Variants in CGN observed in about 807,000 individuals in gnomAD.
CGN encodes the protein cingulin.
A neutral mutation model predicts 157.1 loss-of-function variants in CGN; 121 were observed. That is an observed-to-expected ratio of 0.77 (90% confidence interval 0.66 to 0.90). CGN has a LOEUF of 0.90. CGN is among the 40% of genes least tolerant of loss of function. The pLI, the probability that CGN is intolerant of heterozygous loss-of-function variation, is 0.00. For missense variants in CGN, 1,424 were observed against 1,520.9 expected, an observed-to-expected ratio of 0.94 and a Z score of 1.06; for synonymous variants, 535 against 607.5, an observed-to-expected ratio of 0.88 and a Z score of 1.76.
At position 151,534,155 on chromosome 1, in the gene CGN, G is replaced by C; in HGVS notation, c.2904+19G>C. 1.3e-6 allele frequency: 2 copies of C among 1,556,586 alleles called. No individual in the cohort carries two copies. The highest frequency in any genetic ancestry group is 1.7e-6 in the Non-Finnish European group (2 of 1,151,096). ...TCTCGAGGTGAGGGCACTGAGGTGT[G>C]ACCTGTGGAAAAAGGGTGGGACTTC... On this transcript the variant is annotated intron_variant, in intron 15 of 20. Coordinates refer to ENST00000271636, the MANE Select transcript of CGN (RefSeq NM_020770.3).
In CGN at chr1:151,523,460, A is replaced by G; in HGVS notation, c.1167A>G (p.Gln389=). The change falls in exon 6 of 21, where the codon CAA becomes CAG. Residue 389 remains glutamine, a synonymous_variant. Transcript: ENST00000271636. The part of the protein sequence containing the change: ...VKKRQKLEPS[Q]VGLERQLEEK... Reference sequence around the variant, plus strand: ...AGCGGCAGAAGCTAGAGCCATCCCAAGTTGGGCTGGAGCGGCAGCTGGAGG... The same window carrying G: ...AGCGGCAGAAGCTAGAGCCATCCCAGGTTGGGCTGGAGCGGCAGCTGGAGG... 6.2e-7 allele frequency: 1 copy of G among 1,613,536 alleles called. No homozygotes were observed. Among genetic ancestry groups the G allele is most frequent in the Non-Finnish European group, 8.5e-7 (1 of 1,179,788 alleles).
At position 151,533,978 on chromosome 1, in the gene CGN, C is replaced by T. The variant is rs778866252; in HGVS notation, c.2746C>T (p.Gln916Ter). The change falls in exon 15 of 21, where the codon CAG becomes TAG. Residue 916 changes from glutamine (Q) to a stop codon, truncating the protein, a stop_gained. Coordinates refer to ENST00000271636, the MANE Select transcript of CGN (RefSeq NM_020770.3). LOFTEE classifies it high-confidence loss of function. Reference sequence around the variant, plus strand: ...GGCATTTTTACCCCCTGCCCAGATCCAGAGGCTGCGGCAGGCCCTGCAGGC... The same window carrying T: ...GGCATTTTTACCCCCTGCCCAGATCTAGAGGCTGCGGCAGGCCCTGCAGGC... Reference protein sequence around the residue: ...GGLSRLQDEIQRLRQALQASQ... With the variant: ...GGLSRLQDEI The T allele has an allele frequency of 2.5e-6, 4 of 1,607,420 alleles. No homozygotes were observed. Among genetic ancestry groups the T allele is most frequent in the South Asian group, 1.1e-5 (1 of 90,256 alleles).
At chr1:151,522,683 G>A (rs996278211) in intron 5 of CGN, among the ~76,000 whole-genome samples, 1 of 151,574 alleles carries the variant, frequency 6.6e-6, no homozygotes, top group South Asian at 2.1e-4. Context: ...GGAGGCTGAG[G>A]TGGACAGATT....
In CGN at chr1:151,532,383, C is replaced by G. The variant is rs931290935; in HGVS notation, c.2572-19C>G. 1.3e-6 allele frequency: 2 copies of G among 1,539,620 alleles called. No individual in the cohort carries two copies. The highest frequency in any genetic ancestry group is 1.4e-5 in the African/African-American group (1 of 71,952). ...GTCATTTATGTACAGTGCTGAAGAC[C>G]CTTTTCTCTGTGTTTCAGTTGGAGA... On this transcript the variant is annotated intron_variant, in intron 13 of 20. Coordinates refer to ENST00000271636, the MANE Select transcript of CGN (RefSeq NM_020770.3).
chr1:151,536,099 C>A, intron 18 of CGN, 138 bp from the exon 19 acceptor site: 1 of 731,834 alleles, frequency 1.4e-6, no homozygotes, highest in South Asian at 1.6e-5. Flanking sequence ...CTCCCTCATT[C>A]TTTGAATCTG....
intron 5 of CGN, among the ~76,000 whole-genome samples, chr1:151,521,612 G>T (rs1002426367): frequency 3.3e-5 from 5 of 152,200 alleles, no homozygotes; most frequent in African/African-American, 1.2e-4. Context: ...GCTGAGGCAG[G>T]CAGATCACCT....
intron 1 of CGN, among the ~76,000 whole-genome samples, chr1:151,514,346 G>A (rs1453360697): frequency 3.9e-5 from 6 of 152,260 alleles, no homozygotes; most frequent in Admixed American, 3.9e-4. Context: ...GTACTGACAG[G>A]GTAGACTGCA....
chr1:151,512,189 TGA>T (rs149076389), intron 1 of CGN, among the ~76,000 whole-genome samples: 4 of 151,256 alleles, frequency 2.6e-5, no homozygotes, highest in Admixed American at 6.6e-5. Flanking sequence ...TTCTTCCTCT[TGA>T]GAGAGAGAGA....
In CGN at chr1:151,530,007, C is replaced by T; in HGVS notation, c.2205C>T (p.Phe735=). The T allele has an allele frequency of 6.2e-7, 1 of 1,614,162 alleles. No individual in the cohort carries two copies. The highest frequency in any genetic ancestry group is 8.5e-7 in the Non-Finnish European group (1 of 1,180,026). Residue 735 remains phenylalanine (F), a synonymous_variant, in exon 12 of 21, where the codon TTC becomes TTT. Coordinates refer to ENST00000271636, the MANE Select transcript of CGN (RefSeq NM_020770.3). ...AGACCCAGGAGGAAAATGACGAATTCCGCCGGCGCATCCTGGGTTTGGAGC... is the reference window on the plus strand; with the variant it reads ...AGACCCAGGAGGAAAATGACGAATTTCGCCGGCGCATCCTGGGTTTGGAGC... The part of the protein sequence containing the change: ...LRETQEENDE[F]RRRILGLEQQ...
rs770647601 is a variant in CGN, at chr1:151,535,138, G to A, written c.2994+7G>A. On this transcript the variant is annotated splice_region_variant and intron_variant, in intron 16 of 20. Transcript: ENST00000271636. Reference sequence around the variant, plus strand: ...GAATCGTGGCCGGGACCAGGTAACCGCCCCCACCCCTCATCTCTGTTTACC... The same window carrying A: ...GAATCGTGGCCGGGACCAGGTAACCACCCCCACCCCTCATCTCTGTTTACC... The A allele has an allele frequency of 8.1e-6, 13 of 1,605,070 alleles. No homozygotes were observed. In the East Asian group the frequency reaches 1.8e-4, roughly 22 times the overall value.
In CGN at chr1:151,518,593, A is replaced by G. The variant is rs1353602971; in HGVS notation, c.74A>G (p.Glu25Gly). ...GGAGTCCAGATTCGCTTCATCACAG[A>G]GCCAGTGAGTGGTGCAGAGATGGGC... ...DHGVQIRFIT[E>G]PVSGAEMGTL... Residue 25 changes from glutamate to glycine, a missense_variant, in exon 2 of 21, where the codon GAG becomes GGG. Around this residue, in one of 3 missense-constraint regions of CGN, gnomAD observed 1,187 missense variants for 1,217.6 expected, o/e 0.97. Coordinates refer to ENST00000271636, the MANE Select transcript of CGN (RefSeq NM_020770.3). 6.2e-7 allele frequency: 1 copy of G among 1,613,976 alleles called. No individual in the cohort carries two copies. Among genetic ancestry groups the G allele is most frequent in the Non-Finnish European group, 8.5e-7 (1 of 1,179,974 alleles).
At chr1:151,512,797 G>C (rs757222559) in intron 1 of CGN, among the ~76,000 whole-genome samples, 1 of 152,232 alleles carries the variant, frequency 6.6e-6, no homozygotes, top group African/African-American at 2.4e-5. Flanking sequence ...TCTGGGGGCT[G>C]GCTCTGGGGG....
At chr1:151,527,158 C>G in intron 10 of CGN, 51 bp downstream of exon 10, 1 of 1,606,900 alleles carries the variant, frequency 6.2e-7, no homozygotes, top group Non-Finnish European at 8.5e-7. Flanking sequence ...TGAACACCTG[C>G]CTTACCTCTC....
chr1:151,537,170 C>T lies in CGN; in HGVS notation c.3471-35C>T. ...GTGGCTGTCTTAATATTTCTATTTT[C>T]CCCTCCCCAACCATTATTCTTCTCT... is the stretch of plus-strand genomic sequence containing the variant. On this transcript the variant is annotated intron_variant, in intron 20 of 20. Transcript: ENST00000271636. 9 of 1,587,194 alleles carry T rather than the reference C, an allele frequency of 5.7e-6. No individual in the cohort carries two copies. In the South Asian group the frequency reaches 9.1e-5, roughly 16 times the overall value.
rs774429407 is a variant in CGN at position 151,524,205 on chromosome 1, A to G, written c.1269-21A>G. ...GAGAACTGCCTGACACATAGTGTGC[A>G]ATAATGTTATCTATTATTAGGCTCC... On this transcript the variant is annotated intron_variant, in intron 6 of 20. Transcript: ENST00000271636. The surrounding 1 kb of genome is among the most constrained non-coding windows in gnomAD (Gnocchi z 4.4). 5.6e-6 allele frequency: 9 copies of G among 1,599,396 alleles called. No individual in the cohort carries two copies. In the East Asian group the frequency reaches 1.8e-4, roughly 32 times the overall value.
At position 151,535,807 on chromosome 1, in the gene CGN, A is replaced by G; in HGVS notation, c.3106A>G (p.Ser1036Gly). 6.2e-7 allele frequency: 1 copy of G among 1,614,204 alleles called. No individual in the cohort carries two copies. Among genetic ancestry groups the G allele is most frequent in the South Asian group, 1.1e-5 (1 of 91,084 alleles). ...QNKDLKTRLASSEGFQKPSAS... is the reference protein window; with the variant it reads ...QNKDLKTRLAGSEGFQKPSAS... ...CAAGGACCTGAAGACCCGGTTGGCC[A>G]GCTCAGAAGGCTTCCAGAAGCCTAG... is the stretch of plus-strand genomic sequence containing the variant. Residue 1036 changes from serine to glycine, a missense_variant, in exon 18 of 21, where the codon AGC (serine) becomes GGC (glycine). Ser to Gly is a moderately conservative substitution (Grantham distance 56). Transcript: ENST00000271636.
At chr1:151,513,154 C>T (rs1008014306) in intron 1 of CGN, among the ~76,000 whole-genome samples, 1 of 152,232 alleles carries the variant, frequency 6.6e-6, no homozygotes, top group Non-Finnish European at 1.5e-5. Context: ...GCCATCAAGG[C>T]TGGAGAGCCC....
At chr1:151,523,912 C>T (rs1664602514) in intron 6 of CGN, among the ~76,000 whole-genome samples, 1 of 152,172 alleles carries the variant, frequency 6.6e-6, no homozygotes, top group African/African-American at 2.4e-5. Flanking sequence ...AATCTAGGTT[C>T]CCAAGACACA....
Position 151,518,981 on chromosome 1 carries a change from C to T in CGN, c.462C>T (p.Asn154=), listed in dbSNP as rs758578154. 2 of 1,614,224 alleles carry T rather than the reference C, an allele frequency of 1.2e-6. No homozygotes were observed. Among genetic ancestry groups the T allele is most frequent in the Non-Finnish European group, 1.7e-6 (2 of 1,180,034 alleles). ...CAGTGGATCCTAGTAACAGAAGCAA[C>T]AGCATGCTGGAGCTAGCCCCGAAAG... is the stretch of plus-strand genomic sequence containing the variant. The part of the protein sequence containing the change: ...PGPVDPSNRS[N]SMLELAPKVA... The change falls in exon 2 of 21, where the codon AAC becomes AAT. Residue 154 remains asparagine (N), a synonymous_variant. Transcript: ENST00000271636.
Sources: allele counts gnomAD v4.1 joint callset (sites outside exome capture counted in the v4.1 genomes callset), GRCh38; gene constraint gnomAD v4.1.1; regional missense constraint gnomAD v4.1.1; non-coding constraint Gnocchi (gnomAD v3.1); transcripts MANE v1.5; gene names NCBI Gene and HGNC (gene_info 2026-07-23, HGNC 2026-07-21).